The following TNRC18 variants were observed in gnomAD, a reference collection of about 807,000 sequenced individuals.
The protein encoded by TNRC18 is trinucleotide repeat-containing gene 18 protein.
In TNRC18, 69 loss-of-function variants were observed where a neutral mutation model predicts 226.7. The ratio of observed to expected loss-of-function variants is 0.30; its 90% CI spans 0.25 to 0.37. The LOEUF is 0.37. Among genes scored for constraint, TNRC18 ranks in the 10% least tolerant of loss-of-function variants. TNRC18 has a pLI of 1.00. For missense variants in TNRC18, 4,754 were observed against 4,256.6 expected, an observed-to-expected ratio of 1.12 and a Z score of -3.25; for synonymous variants, 2,449 against 1,927.6, an observed-to-expected ratio of 1.27 and a Z score of -7.09.
In TNRC18 at chr7:5,313,273, T is replaced by C; in HGVS notation, c.7618A>G (p.Asn2540Asp). Residue 2540 changes from asparagine to aspartate, a missense_variant, in exon 27 of 30, where the codon AAC becomes GAC. Asn to Asp is a conservative substitution (Grantham distance 23, BLOSUM62 1). Coordinates refer to ENST00000430969, the MANE Select transcript of TNRC18 (RefSeq NM_001080495.3). The stretch of plus-strand genomic sequence containing the variant: ...TGGGCCTTGTCTGGGCTCTTGGGGT[T>C]CCCAGAGTCCTCGAACGTGAGCCCC... ...GPGLTFEDSG[N>D]PKSPDKAQAE... is the part of the protein sequence containing the mutation. 1 of 1,548,644 alleles carries C rather than the reference T, an allele frequency of 6.5e-7. No individual in the cohort carries two copies.
intron 5 of TNRC18, among the ~76,000 whole-genome samples, chr7:5,379,421 T>C (rs1379082956): frequency 6.7e-6 from 1 of 148,240 alleles, no homozygotes; most frequent in East Asian, 2.0e-4. Context: ...AAAATCAAGA[T>C]AGAAAAGTAA....
rs941607302 is a variant in TNRC18, at chr7:5,371,089, G to T, written c.3505C>A (p.Pro1169Thr). The T allele has an allele frequency of 1.2e-6, 2 of 1,612,042 alleles. No homozygotes were observed. Residue 1169 changes from proline (P) to threonine (T), a missense_variant, in exon 11 of 30, where the codon CCC (proline) becomes ACC (threonine). Pro to Thr is a conservative substitution (Grantham distance 38). Coordinates refer to ENST00000430969, the MANE Select transcript of TNRC18 (RefSeq NM_001080495.3). ...GACTCCAGAGGCGGCAGCTCTGTGG[G>T]GCCCTCGTCCATGTCCTCCACCTCT... The part of the protein sequence containing the change: ...KAEVEDMDEG[P>T]TELPPLESPL...
chr7:5,313,850 G>A lies in TNRC18; in HGVS notation c.7041C>T (p.Thr2347=), dbSNP rs547595117. 7 of 1,486,420 alleles carry A rather than the reference G, an allele frequency of 4.7e-6. No homozygotes were observed. The highest frequency in any genetic ancestry group is 1.9e-4 in the Middle Eastern group (1 of 5,150). The allele number at this position is 1,486,420 out of a possible 1,614,324, so 92.1% of individuals were successfully genotyped here. A position where few individuals can be genotyped will look rare whatever the true frequency, so the allele number is the denominator to read the frequency against. Residue 2347 remains threonine, a synonymous_variant, in exon 27 of 30, where the codon ACC becomes ACT. Coordinates refer to ENST00000430969, the MANE Select transcript of TNRC18 (RefSeq NM_001080495.3). ...SAKAKGDRAA[T]LEEGNPTDEV... ...CGTCTGTTGGGTTCCCCTCCTCCAG[G>A]GTAGCGGCTCTGTCTGCAAAACAAA... is the stretch of plus-strand genomic sequence containing the variant.
chr7:5,410,352 T>TAGCCC lies in TNRC18; in HGVS notation c.187+10703_187+10707dup, dbSNP rs757435886. Among the ~76,000 whole-genome samples, 42 of 149,762 alleles carry TAGCCC rather than the reference T, an allele frequency of 2.8e-4. 1 individual carries two copies. Among genetic ancestry groups the TAGCCC allele is most frequent in the Non-Finnish European group, 5.5e-4 (37 of 67,574 alleles). ...AAAAGAAAAGAAAAAATTCAATGAT[T>TAGCCC]AGCCCAGGAGACCCAGGATATCTAA... On this transcript the variant is annotated intron_variant, in intron 2 of 29. Transcript: ENST00000430969.
intron 19 of TNRC18, 62 bp downstream of exon 19, chr7:5,332,560 G>A (rs1789641361): frequency 2.1e-6 from 3 of 1,447,616 alleles, no homozygotes; most frequent in East Asian, 5.7e-5. Context: ...AGGGGAGAGG[G>A]CCCCTCCCTC....
At chr7:5,328,634 G>A (rs1473455677) in intron 19 of TNRC18, among the ~76,000 whole-genome samples, 5 of 151,646 alleles carry the variant, frequency 3.3e-5, no homozygotes, top group Non-Finnish European at 5.9e-5. Context: ...TCGGCCTCCC[G>A]AGTAGCTAGG....
At chr7:5,369,760 A>C (rs1253529243) in intron 11 of TNRC18, among the ~76,000 whole-genome samples, 1 of 152,172 alleles carries the variant, frequency 6.6e-6, no homozygotes, top group Admixed American at 6.6e-5. Flanking sequence ...AACCAATTTA[A>C]ATGAGAGTTT....
chr7:5,420,269 G>T, intron 2 of TNRC18: 1 of 400,922 alleles, frequency 2.5e-6, no homozygotes, highest in South Asian at 1.8e-5. Context: ...GCAGCTCGAT[G>T]TGAGACCCAG....
intron 10 of TNRC18, 78 bp downstream of exon 10, chr7:5,373,977 G>C: frequency 8.4e-7 from 1 of 1,192,250 alleles, no homozygotes; most frequent in South Asian, 1.8e-5. Flanking sequence ...CGATCGAACG[G>C]GTCAATGAAA....
rs1236650124 is a variant in TNRC18, at chr7:5,349,097, G to A, written c.5470+2722C>T. Reference sequence around the variant, plus strand: ...AAGCAGCTGGGGCTGCGGGGGGAGGGCGAGCTCTGGGTTTCTGGATGCCCG... The same window carrying A: ...AAGCAGCTGGGGCTGCGGGGGGAGGACGAGCTCTGGGTTTCTGGATGCCCG... On this transcript the variant is annotated intron_variant, in intron 17 of 29. Coordinates refer to ENST00000430969, the MANE Select transcript of TNRC18 (RefSeq NM_001080495.3). Among the ~76,000 whole-genome samples, 3 of 152,326 alleles carry A rather than the reference G, an allele frequency of 2.0e-5. No homozygotes were observed. In the East Asian group the frequency reaches 5.8e-4, roughly 29 times the overall value.
chr7:5,331,556 C>T (rs982407766), intron 19 of TNRC18, among the ~76,000 whole-genome samples: 5 of 152,160 alleles, frequency 3.3e-5, no homozygotes, highest in Non-Finnish European at 7.3e-5. Context: ...CTTGCAGCAA[C>T]GGAAACCACA....
At chr7:5,346,286 G>A (rs970128871) in intron 17 of TNRC18, among the ~76,000 whole-genome samples, 2 of 152,294 alleles carry the variant, frequency 1.3e-5, no homozygotes, top group Non-Finnish European at 2.9e-5. Flanking sequence ...TGGCAGCTTC[G>A]CCAGCTGAGT....
chr7:5,321,639 CTTTATTTATTTA>C (rs10551562), intron 21 of TNRC18, among the ~76,000 whole-genome samples: 2,271 of 143,500 alleles, frequency 0.016, 55 homozygotes, highest in East Asian at 0.14. Context: ...ACTTCTAGGA[CTTTATTTATTTA>C]TTTATTTATT....
intron 2 of TNRC18, among the ~76,000 whole-genome samples, chr7:5,412,719 G>A (rs2128219850): frequency 6.6e-6 from 1 of 152,302 alleles, no homozygotes; most frequent in South Asian, 2.1e-4. Context: ...TTTAACTGGA[G>A]AAACAACATC....
At position 5,421,346 on chromosome 7, in the gene TNRC18, C is replaced by A. The variant is rs1047527902; in HGVS notation, c.-100G>T. The A allele has an allele frequency of 1.8e-6, 2 of 1,112,792 alleles. No individual in the cohort carries two copies. Among genetic ancestry groups the A allele is most frequent in the Non-Finnish European group, 2.3e-6 (2 of 883,912 alleles). The allele number at this position is 1,112,792 out of a possible 1,614,324, so 68.9% of individuals were successfully genotyped here. On this transcript the variant is annotated 5_prime_UTR_variant, in exon 2 of 30. Coordinates refer to ENST00000430969, the MANE Select transcript of TNRC18 (RefSeq NM_001080495.3). ...TCGGCGTAGTCCCAGAGTCCTCGGG[C>A]GGCGGGGGCTCCGCGGCGTGCATGG...
At chr7:5,417,940 T>C (rs1782293434) in intron 2 of TNRC18, among the ~76,000 whole-genome samples, 1 of 152,172 alleles carries the variant, frequency 6.6e-6, no homozygotes. Flanking sequence ...TGGCCCCCTG[T>C]TGCCAAGCCA....
In TNRC18 at chr7:5,388,057, T is replaced by G. The variant is rs763860716; in HGVS notation, c.1767A>C (p.Ile589=). The part of the protein sequence containing the change: ...SGEASAMQSL[I]KYSGSFARDA... The stretch of plus-strand genomic sequence containing the variant: ...CCCGGGCAAAGCTGCCACTGTACTT[T>G]ATAAGGCTCTGCATGGCCGAGGCCT... Residue 589 remains isoleucine (I), a synonymous_variant, in exon 5 of 30, where the codon ATA becomes ATC. Transcript: ENST00000430969. The G allele has an allele frequency of 3.8e-6, 6 of 1,559,736 alleles. No homozygotes were observed. Among genetic ancestry groups the G allele is most frequent in the Non-Finnish European group, 5.2e-6 (6 of 1,152,664 alleles).
intron 15 of TNRC18, among the ~76,000 whole-genome samples, chr7:5,358,929 A>G (rs982495529): frequency 1.3e-5 from 2 of 152,210 alleles, no homozygotes; most frequent in Non-Finnish European, 2.9e-5. Context: ...CAATGTTCTG[A>G]AGAAATAAGA....
At chr7:5,367,707 C>A (rs1324194473) in intron 11 of TNRC18, among the ~76,000 whole-genome samples, 6 of 151,410 alleles carry the variant, frequency 4.0e-5, no homozygotes, top group Non-Finnish European at 7.4e-5. Context: ...GGATTACAGG[C>A]GTGTGCCACC....
Sources: allele counts gnomAD v4.1 joint callset (sites outside exome capture counted in the v4.1 genomes callset), GRCh38; gene constraint gnomAD v4.1.1; transcripts MANE v1.5; gene names NCBI Gene and HGNC (gene_info 2026-07-23, HGNC 2026-07-21).